The following CLPB variants were observed in gnomAD, a reference collection of about 807,000 sequenced individuals.
CLPB encodes mitochondrial disaggregase.
In CLPB, 40 loss-of-function variants were observed where a neutral mutation model predicts 78.4. The observed-to-expected ratio is 0.51, with a 90% CI of 0.40 to 0.66. The LOEUF (loss-of-function observed/expected upper bound fraction) is 0.66, where lower values mean the gene tolerates loss of function less well. Ranked by LOEUF, CLPB falls within the 30% of genes least tolerant of loss-of-function variation. CLPB has a pLI of 0.00. For missense variants in CLPB, 780 were observed against 886.9 expected (o/e 0.88, Z 1.53); for synonymous variants, 333 against 348.0 (o/e 0.96, Z 0.48).
intron 2 of CLPB, among the ~76,000 whole-genome samples, chr11:72,406,147 A>G (rs1855702678): frequency 1.3e-5 from 2 of 152,174 alleles, no homozygotes; most frequent in African/African-American, 4.8e-5. Context: ...TGGGGATAAG[A>G]AGACCAGTTT....
intron 7 of CLPB, among the ~76,000 whole-genome samples, chr11:72,314,901 C>T (rs1376660852): frequency 6.6e-6 from 1 of 152,044 alleles, no homozygotes; most frequent in Non-Finnish European, 1.5e-5. Flanking sequence ...GCCTGCATGC[C>T]AGGTTAGGGC....
At chr11:72,315,860 CAGTT>C (rs1404314453) in intron 7 of CLPB, among the ~76,000 whole-genome samples, 1 of 152,176 alleles carries the variant, frequency 6.6e-6, no homozygotes. Flanking sequence ...GGACCTGCTT[CAGTT>C]TGAGGTCCCG....
intron 3 of CLPB, among the ~76,000 whole-genome samples, chr11:72,386,138 G>A (rs1294603051): frequency 6.6e-6 from 1 of 152,114 alleles, no homozygotes; most frequent in Non-Finnish European, 1.5e-5. Context: ...CCAAAATAGA[G>A]TAGTTTTTTT....
intron 4 of CLPB, among the ~76,000 whole-genome samples, chr11:72,375,745 TA>T (rs1219869875): frequency 8.5e-5 from 13 of 152,216 alleles, no homozygotes; most frequent in Admixed American, 7.2e-4. Flanking sequence ...AGACTATGTA[TA>T]ATCATTTATA....
intron 4 of CLPB, among the ~76,000 whole-genome samples, chr11:72,359,630 G>C (rs146915961): frequency 5.3e-5 from 8 of 152,224 alleles, no homozygotes; most frequent in Non-Finnish European, 1.0e-4. Flanking sequence ...TCACAGAAAA[G>C]TACAACAAAG....
At chr11:72,413,079 G>A (rs1590917682) in intron 2 of CLPB, among the ~76,000 whole-genome samples, 1 of 151,930 alleles carries the variant, frequency 6.6e-6, no homozygotes, top group African/African-American at 2.4e-5. Flanking sequence ...ACCTGAGGTC[G>A]GGAGTTCGAG....
chr11:72,340,901 A>C (rs117613362), intron 5 of CLPB, among the ~76,000 whole-genome samples: 4,422 of 152,308 alleles, frequency 0.029, 110 homozygotes, highest in Non-Finnish European at 0.04. Context: ...TCCACGCTGG[A>C]GTGCAGTGGC....
intron 4 of CLPB, 74 bp downstream of exon 4, chr11:72,380,207 T>C: frequency 8.8e-7 from 1 of 1,140,354 alleles, no homozygotes; most frequent in Non-Finnish European, 1.3e-6. Flanking sequence ...CTGGTAGAGC[T>C]GACACCACAG....
rs911375318 is a variant in CLPB at position 72,287,935 on chromosome 11, C to G, written c.*5432G>C. On this transcript the variant is annotated 3_prime_UTR_variant, in exon 16 of 16. Coordinates refer to ENST00000538039, the MANE Select transcript of CLPB (RefSeq NM_001258392.3). ...GTTTTATCTATTTTATTGGTGCTTT[C>G]AAAGAATTTTTTAATTTATTCTTTT... 6.6e-6 allele frequency: 1 copy of G among 152,046 alleles called. No individual in the cohort carries two copies. Among genetic ancestry groups the G allele is most frequent in the African/African-American group, 2.4e-5 (1 of 41,426 alleles). The allele number at this position is 152,046 out of a possible 1,614,324, so 9.4% of individuals were successfully genotyped here. A position where few individuals can be genotyped will look rare whatever the true frequency, so the allele number is the denominator to read the frequency against.
chr11:72,304,693 G>T (rs137858924), intron 9 of CLPB, among the ~76,000 whole-genome samples: 5 of 152,234 alleles, frequency 3.3e-5, no homozygotes, highest in Admixed American at 6.5e-5. Flanking sequence ...AGATCTGGAG[G>T]TGTCAGTGTC....
chr11:72,395,272 AT>A (rs1181892134), intron 3 of CLPB, among the ~76,000 whole-genome samples: 1 of 152,040 alleles, frequency 6.6e-6, no homozygotes, highest in Non-Finnish European at 1.5e-5. Flanking sequence ...AATCCATATA[AT>A]ACATCATGGG....
chr11:72,350,306 T>A (rs931875135), intron 5 of CLPB, among the ~76,000 whole-genome samples: 4 of 152,150 alleles, frequency 2.6e-5, no homozygotes, highest in Non-Finnish European at 5.9e-5. Flanking sequence ...CTAATGGACA[T>A]CCCTCTCCAC....
chr11:72,426,953 A>G (rs1856398334), intron 2 of CLPB, among the ~76,000 whole-genome samples: 1 of 152,228 alleles, frequency 6.6e-6, no homozygotes, highest in Non-Finnish European at 1.5e-5. Flanking sequence ...CTCCCAGACC[A>G]GAAGGCAGGT....
chr11:72,365,464 T>G (rs1939953727), intron 4 of CLPB, among the ~76,000 whole-genome samples: 1 of 152,222 alleles, frequency 6.6e-6, no homozygotes, highest in African/African-American at 2.4e-5. Context: ...GAGGTCTCTT[T>G]ATGGAGTGAT....
intron 5 of CLPB, among the ~76,000 whole-genome samples, chr11:72,330,799 T>C (rs1950210486): frequency 6.6e-6 from 1 of 152,132 alleles, no homozygotes; most frequent in Non-Finnish European, 1.5e-5. Flanking sequence ...CACAGAACAT[T>C]AAGGTAATAA....
At chr11:72,299,752 G>A (rs1456037117) in intron 11 of CLPB, among the ~76,000 whole-genome samples, 1 of 152,168 alleles carries the variant, frequency 6.6e-6, no homozygotes, top group African/African-American at 2.4e-5. Flanking sequence ...GAGTAAACCT[G>A]GATGGCAGCT....
At chr11:72,398,349 C>T (rs1296667170) in intron 3 of CLPB, among the ~76,000 whole-genome samples, 1 of 152,140 alleles carries the variant, frequency 6.6e-6, no homozygotes, top group East Asian at 1.9e-4. Flanking sequence ...AAGTTTGCAC[C>T]ACACACGAAC....
At chr11:72,357,727 G>A (rs1164546406) in intron 5 of CLPB, among the ~76,000 whole-genome samples, 3 of 147,272 alleles carry the variant, frequency 2.0e-5, no homozygotes, top group African/African-American at 7.5e-5. Flanking sequence ...AAAAAAAAAG[G>A]TTTCAACCAG....
intron 2 of CLPB, among the ~76,000 whole-genome samples, chr11:72,425,591 G>A (rs1856351113): frequency 6.6e-6 from 1 of 152,146 alleles, no homozygotes; most frequent in South Asian, 2.1e-4. Flanking sequence ...CTCAGGGCTA[G>A]GCACAAAGCA....
Sources: allele counts gnomAD v4.1 joint callset (sites outside exome capture counted in the v4.1 genomes callset), GRCh38; gene constraint gnomAD v4.1.1; transcripts MANE v1.5; gene names NCBI Gene and HGNC (gene_info 2026-07-23, HGNC 2026-07-21).